STXBP6: variants seen among roughly 807,000 people sequenced by gnomAD.
The protein encoded by STXBP6 is syntaxin binding protein 6.
In STXBP6, 21 loss-of-function variants were observed where a neutral mutation model predicts 26.9. The observed-to-expected ratio is 0.78, with a 90% confidence interval of 0.55 to 1.12. The LOEUF is 1.12. Ranked by LOEUF, STXBP6 falls within the 50% of genes most tolerant of loss-of-function variation. STXBP6 has a pLI of 0.00. For synonymous variants in STXBP6, 97 were observed against 92.6 expected (o/e 1.05, Z -0.27); for missense variants, 232 against 257.9 (o/e 0.90, Z 0.69).
chr14:24,994,798 C>G (rs1595275663), intron 1 of STXBP6: 1 of 152,108 alleles, frequency 6.6e-6, no homozygotes, highest in African/African-American at 2.4e-5. Flanking sequence ...CACCTGAGGT[C>G]AGGAGTTTGA....
intron 1 of STXBP6, among the ~76,000 whole-genome samples, chr14:25,036,745 A>C (rs2140489200): frequency 6.6e-6 from 1 of 151,386 alleles, no homozygotes; most frequent in African/African-American, 2.4e-5. Flanking sequence ...AGTCCCAGCT[A>C]CTCAGGAGGC....
chr14:24,980,558 G>C (rs1289354239), intron 1 of STXBP6, among the ~76,000 whole-genome samples: 1 of 152,104 alleles, frequency 6.6e-6, no homozygotes, highest in Non-Finnish European at 1.5e-5. Flanking sequence ...CTTTAATCTG[G>C]TGACAACATT....
At chr14:24,823,542 T>C (rs578036663) in intron 4 of STXBP6, among the ~76,000 whole-genome samples, 54 of 152,282 alleles carry the variant, frequency 3.5e-4, no homozygotes, top group Non-Finnish European at 6.5e-4. Flanking sequence ...TATAGAGATA[T>C]TTGAAATATA....
intron 2 of STXBP6, among the ~76,000 whole-genome samples, chr14:24,931,997 G>A (rs1401134336): frequency 5.3e-5 from 8 of 152,278 alleles, no homozygotes; most frequent in East Asian, 1.9e-4. Context: ...CCCATAAGGC[G>A]ATAAAGGGTA....
intron 1 of STXBP6, among the ~76,000 whole-genome samples, chr14:25,006,853 CA>C (rs770086960): frequency 2.2e-3 from 305 of 137,244 alleles, no homozygotes; most frequent in Middle Eastern, 3.8e-3. Context: ...AATTTTTCAC[CA>C]AAAAAAAAAA....
intron 2 of STXBP6, among the ~76,000 whole-genome samples, chr14:24,947,204 A>G (rs2073021002): frequency 7.3e-6 from 1 of 137,360 alleles, no homozygotes; most frequent in African/African-American, 2.8e-5. Context: ...AGAGAGCTCC[A>G]TATGTGAAGG....
chr14:25,006,853 C>CA lies in STXBP6; in HGVS notation c.-32-32004dup, dbSNP rs770086960. On this transcript the variant is annotated intron_variant, in intron 1 of 5. Coordinates refer to ENST00000323944, the MANE Select transcript of STXBP6 (RefSeq NM_001394410.1). The stretch of plus-strand genomic sequence containing the variant: ...CTTTCTTCTCAGAGCAATTTTTCAC[C>CA]AAAAAAAAAAAAGCATATTTTACTT... Among the ~76,000 whole-genome samples, 141 of 137,898 alleles carry CA rather than the reference C, an allele frequency of 1.0e-3. 1 individual carries two copies. The highest frequency in any genetic ancestry group is 1.9e-3 in the South Asian group (8 of 4,318). 90.5% of individuals were successfully genotyped at this position (137,898 alleles called of 152,430 possible). A position where few individuals can be genotyped will look rare whatever the true frequency, so the allele number is the denominator to read the frequency against.
At chr14:24,967,288 T>C (rs724116) in intron 2 of STXBP6, among the ~76,000 whole-genome samples, 42,308 of 152,032 alleles carry the variant, frequency 0.28, 6,896 homozygotes, top group African/African-American at 0.46. Flanking sequence ...ACTATTATTA[T>C]TACTATTACT....
intron 2 of STXBP6, among the ~76,000 whole-genome samples, chr14:24,919,401 CT>C (rs2139798856): frequency 6.6e-6 from 1 of 151,454 alleles, no homozygotes; most frequent in South Asian, 2.1e-4. Context: ...AGAAAAACAT[CT>C]TTGGATGTTT....
intron 2 of STXBP6, among the ~76,000 whole-genome samples, chr14:24,926,012 G>C (rs80314656): frequency 0.017 from 2,643 of 152,276 alleles, 56 homozygotes; most frequent in African/African-American, 0.059. Context: ...GTAAAACAAA[G>C]ACAGGGCAGT....
At position 24,983,203 on chromosome 14, in the gene STXBP6, C is replaced by T. The variant is rs532302159; in HGVS notation, c.-32-8353G>A. Among the ~76,000 whole-genome samples the T allele has an allele frequency of 2.0e-5, 3 of 152,270 alleles. No homozygotes were observed. In the East Asian group the frequency reaches 5.8e-4, roughly 29 times the overall value. On this transcript the variant is annotated intron_variant, in intron 1 of 5. Coordinates refer to ENST00000323944, the MANE Select transcript of STXBP6 (RefSeq NM_001394410.1). Reference sequence around the variant, plus strand: ...AAACCTTGAAAAGTGAATTGAACCACATCAAAAGAGGAAGGTAGTAACAGA... The same window carrying T: ...AAACCTTGAAAAGTGAATTGAACCATATCAAAAGAGGAAGGTAGTAACAGA...
At position 25,018,723 on chromosome 14, in the gene STXBP6, C is replaced by T. The variant is rs79515729; in HGVS notation, c.-33+31155G>A. 2.2e-3 allele frequency among the ~76,000 whole-genome samples: 337 copies of T among 152,316 alleles called. 1 individual carries two copies. The highest frequency in any genetic ancestry group is 7.6e-3 in the African/African-American group (317 of 41,566). The stretch of plus-strand genomic sequence containing the variant: ...ACCAACCTCTCTAGACCATTGCTTC[C>T]TTCTATGTCACACTGTAGATGCTGA... On this transcript the variant is annotated intron_variant, in intron 1 of 5. Coordinates refer to ENST00000323944, the MANE Select transcript of STXBP6 (RefSeq NM_001394410.1).
intron 4 of STXBP6, among the ~76,000 whole-genome samples, chr14:24,830,289 T>C (rs890433402): frequency 5.3e-5 from 8 of 152,098 alleles, no homozygotes; most frequent in Non-Finnish European, 1.0e-4. Flanking sequence ...ATTATTACTC[T>C]GGTGGTAGTT....
At chr14:24,921,652 A>G (rs1052183788) in intron 2 of STXBP6, among the ~76,000 whole-genome samples, 3 of 152,132 alleles carry the variant, frequency 2.0e-5, no homozygotes, top group Non-Finnish European at 4.4e-5. Flanking sequence ...TGTTGCTGTT[A>G]TTCCAGAACA....
chr14:24,827,212 T>TAAAC (rs377601311), intron 4 of STXBP6, among the ~76,000 whole-genome samples: 10 of 152,062 alleles, frequency 6.6e-5, no homozygotes, highest in South Asian at 2.1e-4. Context: ...AACAAAGAAA[T>TAAAC]AAACAAACAA....
At chr14:25,016,544 A>C (rs2075151509) in intron 1 of STXBP6, among the ~76,000 whole-genome samples, 1 of 152,214 alleles carries the variant, frequency 6.6e-6, no homozygotes, top group Non-Finnish European at 1.5e-5. Flanking sequence ...TTTCAAGTGT[A>C]AAGGAATTCT....
intron 2 of STXBP6, among the ~76,000 whole-genome samples, chr14:24,970,500 T>G (rs2073875617): frequency 6.6e-6 from 1 of 150,926 alleles, no homozygotes; most frequent in East Asian, 1.9e-4. Context: ...CTTCTGTCTG[T>G]TTTTTTTTCA....
intron 4 of STXBP6, among the ~76,000 whole-genome samples, chr14:24,838,225 G>A: frequency 6.6e-6 from 1 of 152,036 alleles, no homozygotes; most frequent in East Asian, 1.9e-4. Context: ...TGCCCAGGTT[G>A]GTCTGGAATT....
In STXBP6 at chr14:24,970,635, G is replaced by A. The variant is rs145551258; in HGVS notation, c.154+4030C>T. Among the ~76,000 whole-genome samples, 918 of 152,154 alleles carry A rather than the reference G, an allele frequency of 6.0e-3. 11 individuals are homozygous for A. The highest frequency in any genetic ancestry group is 0.021 in the African/African-American group (860 of 41,502). ...TTGTTTATGCATTTAATATGTAGAT[G>A]GGTATTTATTTCTGGGTTTGGGTTA... On this transcript the variant is annotated intron_variant, in intron 2 of 5. Coordinates refer to ENST00000323944, the MANE Select transcript of STXBP6 (RefSeq NM_001394410.1).
Sources: allele counts gnomAD v4.1 joint callset (sites outside exome capture counted in the v4.1 genomes callset), GRCh38; gene constraint gnomAD v4.1.1; transcripts MANE v1.5; gene names NCBI Gene and HGNC (gene_info 2026-07-23, HGNC 2026-07-21).